CABP2: variants seen among roughly 807,000 people sequenced by gnomAD.
The protein encoded by CABP2 is calcium binding protein 2.
CABP2 carries 25 observed loss-of-function variants against 28.6 expected under a neutral mutation model. That is an observed-to-expected ratio of 0.87 (90% CI 0.64 to 1.22). The LOEUF is 1.22. CABP2 is among the 50% of genes most tolerant of loss of function. The pLI is 0.00. For missense variants in CABP2, 310 were observed against 312.2 expected (o/e 0.99, Z 0.05); for synonymous variants, 138 against 126.0 (o/e 1.09, Z -0.64).
At chr11:67,520,372 A>T (rs687058) in intron 4 of CABP2, among the ~76,000 whole-genome samples, 1 of 152,116 alleles carries the variant, frequency 6.6e-6, no homozygotes, top group African/African-American at 2.4e-5. Flanking sequence ...CTCAAAACTT[A>T]TTGGGCCGGG....
chr11:67,521,062 G>T lies in CABP2; in HGVS notation c.342C>A (p.Pro114=). The T allele has an allele frequency of 1.2e-6, 2 of 1,613,738 alleles. No individual in the cohort carries two copies. Among genetic ancestry groups the T allele is most frequent in the Non-Finnish European group, 1.7e-6 (2 of 1,179,884 alleles). Residue 114 remains proline, a synonymous_variant, in exon 4 of 7, where the codon CCC becomes CCA. Coordinates refer to ENST00000294288, the MANE Select transcript of CABP2 (RefSeq NM_016366.3). The part of the protein sequence containing the change: ...GACMRTLGYM[P]TEMELIEISQ... Reference sequence around the variant, plus strand: ...AGATCTCGATGAGCTCCATCTCGGTGGGCATGTAGCCCAGGGTCCGCATGC... The same window carrying T: ...AGATCTCGATGAGCTCCATCTCGGTTGGCATGTAGCCCAGGGTCCGCATGC...
chr11:67,521,202 G>T, intron 3 of CABP2, 43 bp from the exon 4 acceptor site: 1 of 1,594,120 alleles, frequency 6.3e-7, no homozygotes. Flanking sequence ...ACAACCCCCT[G>T]ATCCTGGCCT....
At chr11:67,522,853 A>G in intron 1 of CABP2, 137 bp from the exon 2 acceptor site, 1 of 750,836 alleles carries the variant, frequency 1.3e-6, no homozygotes, top group Non-Finnish European at 2.1e-6. Flanking sequence ...GGGGGTAGAG[A>G]GAGGACCCTC....
intron 6 of CABP2, 58 bp from the exon 7 acceptor site, chr11:67,519,222 A>T: frequency 6.3e-7 from 1 of 1,593,080 alleles, no homozygotes. Context: ...AGGAGTGAGG[A>T]TCATCTGCAG....
rs1338885521 is a variant in CABP2, at chr11:67,522,679, G to A, written c.80C>T (p.Ser27Phe). Residue 27 changes from serine (S) to phenylalanine (F), a missense_variant, in exon 2 of 7, where the codon TCC becomes TTC. Ser to Phe is a radical substitution (Grantham distance 155). Coordinates refer to ENST00000294288, the MANE Select transcript of CABP2 (RefSeq NM_016366.3). ...LQWLGSPPRG[S>F]CPSPSSSPKE... ...GGGGCTGGAGCTGGGGCTGGGGCAG[G>A]AGCCCCTTGGTGGGGAGCCGAGCCA... 1 of 1,529,104 alleles carries A rather than the reference G, an allele frequency of 6.5e-7. No individual in the cohort carries two copies. The highest frequency in any genetic ancestry group is 1.2e-5 in the South Asian group (1 of 82,050). The allele number at this position is 1,529,104 out of a possible 1,614,324, so 94.7% of individuals were successfully genotyped here.
chr11:67,520,380 G>A (rs957477185), intron 4 of CABP2, among the ~76,000 whole-genome samples: 1 of 152,176 alleles, frequency 6.6e-6, no homozygotes, highest in African/African-American at 2.4e-5. Context: ...TTATTGGGCC[G>A]GGCACGGTGG....
chr11:67,519,829 C>A lies in CABP2; in HGVS notation c.601G>T (p.Val201Leu). Residue 201 changes from valine (V) to leucine (L), a missense_variant, in exon 6 of 7, where the codon GTG becomes TTG. Coordinates refer to ENST00000294288, the MANE Select transcript of CABP2 (RefSeq NM_016366.3). ...QREVDEILQD[V>L]DLNGDGLVDF... is the part of the protein sequence containing the mutation. Reference sequence around the variant, plus strand: ...ACCAGACCGTCCCCATTGAGGTCCACGTCCTGGAGGATCTCGTCCACCTCC... The same window carrying A: ...ACCAGACCGTCCCCATTGAGGTCCAAGTCCTGGAGGATCTCGTCCACCTCC... 6.2e-7 allele frequency: 1 copy of A among 1,614,084 alleles called. No homozygotes were observed. Among genetic ancestry groups the A allele is most frequent in the Non-Finnish European group, 8.5e-7 (1 of 1,180,002 alleles).
rs766307112 is a variant in CABP2 at position 67,523,357 on chromosome 11, C to G, written c.-31G>C. ...CTGAACCATGCCAGGCCTGGAACCC[C>G]GGGGGTGGCCCGGGTGGGCCTCGGC... On this transcript the variant is annotated 5_prime_UTR_variant, in exon 1 of 7. Transcript: ENST00000294288. 7.1e-6 allele frequency: 11 copies of G among 1,539,288 alleles called. No individual in the cohort carries two copies. Among genetic ancestry groups the G allele is most frequent in the Non-Finnish European group, 3.5e-6 (4 of 1,140,912 alleles).
rs146762535 is a variant in CABP2 at position 67,519,816 on chromosome 11, C to G, written c.614G>C (p.Gly205Ala). 6.2e-7 allele frequency: 1 copy of G among 1,613,986 alleles called. No homozygotes were observed. Among genetic ancestry groups the G allele is most frequent in the Non-Finnish European group, 8.5e-7 (1 of 1,180,002 alleles). Residue 205 changes from glycine to alanine, a missense_variant, in exon 6 of 7, where the codon GGG becomes GCG. Gly to Ala is a moderately conservative substitution (Grantham distance 60). Coordinates refer to ENST00000294288, the MANE Select transcript of CABP2 (RefSeq NM_016366.3). ...DEILQDVDLN[G>A]DGLVDFEEFV... ...ACCTTCGAAGTCGACCAGACCGTCC[C>G]CATTGAGGTCCACGTCCTGGAGGAT...
Position 67,521,119 on chromosome 11 carries a change from G to A in CABP2, c.285C>T (p.Asp95=), listed in dbSNP as rs144698936. 96 of 1,613,742 alleles carry A rather than the reference G, an allele frequency of 5.9e-5. No individual in the cohort carries two copies. The highest frequency in any genetic ancestry group is 3.2e-4 in the South Asian group (29 of 91,070). The change falls in exon 4 of 7, where the codon GAC becomes GAT. Residue 95 remains aspartate (D), a synonymous_variant. Coordinates refer to ENST00000294288, the MANE Select transcript of CABP2 (RefSeq NM_016366.3). ...CCAGCTCCCGGCAGCCAATGTAGCC[G>A]TCCCGGTCTCGGTCAAACTCCTGGA... ...VAFQEFDRDR[D]GYIGCRELGA...
At position 67,523,285 on chromosome 11, in the gene CABP2, C is replaced by G. The variant is rs1373494523; in HGVS notation, c.42G>C (p.Lys14Asn). 6.4e-7 allele frequency: 1 copy of G among 1,555,418 alleles called. No homozygotes were observed. The highest frequency in any genetic ancestry group is 1.2e-5 in the South Asian group (1 of 84,278). ...GGGTTTCTCCCCTGACCCCTCCTAC[C>G]TTAGGGCCCCGGCGCCAGGGCCGCT... ...CAKRPWRRGP[K>N]DPLQWLGSPP... The change falls in exon 1 of 7, where the codon AAG (lysine) becomes AAC (asparagine). Residue 14 changes from lysine (K) to asparagine (N), a missense_variant and splice_region_variant. Transcript: ENST00000294288.
At chr11:67,521,518 G>T (rs529521662) in intron 3 of CABP2, among the ~76,000 whole-genome samples, 5 of 152,148 alleles carry the variant, frequency 3.3e-5, no homozygotes, top group African/African-American at 1.2e-4. Context: ...TCTACATGTG[G>T]CCTCCCCCGG....
rs547327234 is a variant in CABP2, at chr11:67,521,218, C to T, written c.245-59G>A. ...CAACCCCCTGATCCTGGCCTGGACC[C>T]GCCTACCCTTCTCCCTTGGTCCAAT... On this transcript the variant is annotated intron_variant, in intron 3 of 6. Transcript: ENST00000294288. 2.0e-4 allele frequency: 306 copies of T among 1,553,834 alleles called. 1 individual carries two copies. The highest frequency in any genetic ancestry group is 2.5e-4 in the Non-Finnish European group (288 of 1,146,032).
At chr11:67,520,911 C>A in intron 4 of CABP2, 114 bp downstream of exon 4, 1 of 1,168,568 alleles carries the variant, frequency 8.6e-7, no homozygotes, top group Non-Finnish European at 1.2e-6. Context: ...TGACCAAGGT[C>A]ATGGGCTCTG....
Position 67,523,300 on chromosome 11 carries a change from C to A in CABP2, c.27G>T (p.Trp9Cys), listed in dbSNP as rs1255605223. Residue 9 changes from tryptophan to cysteine, a missense_variant, in exon 1 of 7, where the codon TGG becomes TGT. By Grantham distance (215) the Trp-to-Cys change is radical. Transcript: ENST00000294288. Reference protein sequence around the residue: MGNCAKRPWRRGPKDPLQW... With the variant: MGNCAKRPCRRGPKDPLQW... Reference sequence around the variant, plus strand: ...CCCCTCCTACCTTAGGGCCCCGGCGCCAGGGCCGCTTGGCACAGTTCCCCA... The same window carrying A: ...CCCCTCCTACCTTAGGGCCCCGGCGACAGGGCCGCTTGGCACAGTTCCCCA... 1 of 1,555,784 alleles carries A rather than the reference C, an allele frequency of 6.4e-7. No homozygotes were observed. The highest frequency in any genetic ancestry group is 8.7e-7 in the Non-Finnish European group (1 of 1,149,294).
chr11:67,519,432 G>A (rs1866709273), intron 6 of CABP2, among the ~76,000 whole-genome samples: 1 of 152,114 alleles, frequency 6.6e-6, no homozygotes, highest in Non-Finnish European at 1.5e-5. Flanking sequence ...GCCTACTTAT[G>A]GCAATACATT....
In CABP2 at chr11:67,519,084, G is replaced by T; in HGVS notation, c.*55C>A. ...GATGGGCTTCAAGGAACATGCTGGT[G>T]GGCAGAGGCTGTGGTCCTTGAGTCC... On this transcript the variant is annotated 3_prime_UTR_variant, in exon 7 of 7. Coordinates refer to ENST00000294288, the MANE Select transcript of CABP2 (RefSeq NM_016366.3). 2 of 1,592,108 alleles carry T rather than the reference G, an allele frequency of 1.3e-6. No homozygotes were observed. Among genetic ancestry groups the T allele is most frequent in the Non-Finnish European group, 1.7e-6 (2 of 1,160,050 alleles).
Position 67,520,149 on chromosome 11 carries a change from C to T in CABP2, c.391G>A (p.Val131Met). Reference protein sequence around the residue: ...EISQQISGGKVDFEDFVELMG... With the variant: ...EISQQISGGKMDFEDFVELMG... Reference sequence around the variant, plus strand: ...AGCTCCACGAAGTCTTCAAAGTCCACCTTTCCGCCACCTGGGGGTCCCGTC... The same window carrying T: ...AGCTCCACGAAGTCTTCAAAGTCCATCTTTCCGCCACCTGGGGGTCCCGTC... The change falls in exon 5 of 7, where the codon GTG (valine) becomes ATG (methionine). Residue 131 changes from valine (V) to methionine (M), a missense_variant. Val to Met is a conservative substitution (Grantham distance 21). Transcript: ENST00000294288. The T allele has an allele frequency of 2.5e-6, 4 of 1,613,202 alleles. No homozygotes were observed. The highest frequency in any genetic ancestry group is 3.4e-6 in the Non-Finnish European group (4 of 1,179,278).
chr11:67,522,436 G>A, intron 2 of CABP2, 110 bp downstream of exon 2: 8 of 1,166,372 alleles, frequency 6.9e-6, no homozygotes, highest in Non-Finnish European at 9.9e-6. Flanking sequence ...TCCAGGAGAG[G>A]CAAAGCGAGG....
Sources: gnomAD v4.1 joint callset for allele counts (sites outside exome capture counted in the v4.1 genomes callset) on GRCh38, gnomAD v4.1.1 for gene constraint, MANE v1.5 for transcripts, NCBI Gene and HGNC (gene_info 2026-07-23, HGNC 2026-07-21) for gene names.